The following CDH4 variants were observed in gnomAD, a reference collection of about 807,000 sequenced individuals.
CDH4 encodes cadherin 4, also known as cadherin-4.
In CDH4, 33 loss-of-function variants were observed where a neutral mutation model predicts 86.0. The ratio of observed to expected loss-of-function variants is 0.38; its 90% CI spans 0.29 to 0.51. The LOEUF (loss-of-function observed/expected upper bound fraction) is 0.51. Among genes scored for constraint, CDH4 ranks in the 20% least tolerant of loss-of-function variants. The pLI is 0.86. For missense variants in CDH4, 1,114 were observed against 1,307.4 expected, an observed-to-expected ratio of 0.85 and a Z score of 2.28; for synonymous variants, 555 against 549.4, an observed-to-expected ratio of 1.01 and a Z score of -0.14.
chr20:61,282,086 T>C (rs73915255), intron 2 of CDH4, among the ~76,000 whole-genome samples: 3,210 of 152,286 alleles, frequency 0.021, 112 homozygotes, highest in African/African-American at 0.072. Flanking sequence ...CGGCTGGGCA[T>C]GGTGGCTCAC....
chr20:61,784,139 C>T (rs72658794), intron 4 of CDH4, among the ~76,000 whole-genome samples: 1 of 8,872 alleles, frequency 1.1e-4, no homozygotes, highest in Non-Finnish European at 2.3e-4. Context: ...AATGTAATCC[C>T]AGTTCCTTGG....
At chr20:61,468,030 AG>A (rs1399291314) in intron 2 of CDH4, among the ~76,000 whole-genome samples, 1 of 152,240 alleles carries the variant, frequency 6.6e-6, no homozygotes, top group African/African-American at 2.4e-5. Flanking sequence ...TTATTCTCCC[AG>A]CACAGGGTGT....
intron 4 of CDH4, among the ~76,000 whole-genome samples, chr20:61,833,732 G>A (rs1260490490): frequency 2.0e-5 from 3 of 152,196 alleles, no homozygotes; most frequent in Non-Finnish European, 4.4e-5. Context: ...CATGGTGACT[G>A]AGCACAGCAC....
At chr20:61,302,430 C>T (rs534424614) in intron 2 of CDH4, among the ~76,000 whole-genome samples, 3 of 152,148 alleles carry the variant, frequency 2.0e-5, no homozygotes, top group Admixed American at 6.5e-5. Context: ...TTCAGATGAA[C>T]GGTGAAAAGC....
At chr20:61,786,759 T>G (rs1472910718) in intron 4 of CDH4, among the ~76,000 whole-genome samples, 1 of 152,164 alleles carries the variant, frequency 6.6e-6, no homozygotes, top group African/African-American at 2.4e-5. Flanking sequence ...TGAACAGGTG[T>G]TTAGGATGAG....
chr20:61,297,350 T>C (rs2084361212), intron 2 of CDH4, among the ~76,000 whole-genome samples: 1 of 152,110 alleles, frequency 6.6e-6, no homozygotes, highest in Admixed American at 6.5e-5. Flanking sequence ...GATCGCGCCA[T>C]TGTACTCCAG....
intron 7 of CDH4, among the ~76,000 whole-genome samples, chr20:61,892,814 ATC>A (rs1399909024): frequency 3.3e-5 from 5 of 152,114 alleles, no homozygotes; most frequent in Non-Finnish European, 7.3e-5. Context: ...TCATTCATCC[ATC>A]TCTCATCAGC....
At chr20:61,712,660 G>A (rs2087905996) in intron 2 of CDH4, among the ~76,000 whole-genome samples, 1 of 152,282 alleles carries the variant, frequency 6.6e-6, no homozygotes, top group South Asian at 2.1e-4. Flanking sequence ...CCCTATAGGG[G>A]CACCCACTCC....
chr20:61,606,087 C>T (rs974348789), intron 2 of CDH4, among the ~76,000 whole-genome samples: 26 of 152,068 alleles, frequency 1.7e-4, no homozygotes, highest in African/African-American at 5.6e-4. Context: ...CAGGGCTGCC[C>T]GTGCAGGTGA....
At chr20:61,678,505 A>C (rs1279477895) in intron 2 of CDH4, among the ~76,000 whole-genome samples, 1 of 152,210 alleles carries the variant, frequency 6.6e-6, no homozygotes, top group Non-Finnish European at 1.5e-5. Context: ...GCGCAATGAC[A>C]CCAGGTAGCC....
intron 2 of CDH4, among the ~76,000 whole-genome samples, chr20:61,489,455 C>G (rs1368751485): frequency 1.3e-5 from 2 of 152,212 alleles, no homozygotes; most frequent in Admixed American, 1.3e-4. Context: ...AGAGAATGTT[C>G]AAACCTGCTT....
chr20:61,412,826 A>C (rs2085126303), intron 2 of CDH4, among the ~76,000 whole-genome samples: 1 of 152,116 alleles, frequency 6.6e-6, no homozygotes, highest in Non-Finnish European at 1.5e-5. Context: ...CCTGGCTCAT[A>C]TGATCGCCCT....
Position 61,905,412 on chromosome 20 carries a change from G to T in CDH4, c.1189-5010G>T, listed in dbSNP as rs146524616. ...CAGAAGGACGGGAGTGAGTGGAGAA[G>T]CGTCAGACAGGCCCTCGCTAAAACA... On this transcript the variant is annotated intron_variant, in intron 8 of 15. Coordinates refer to ENST00000614565, the MANE Select transcript of CDH4 (RefSeq NM_001794.5). Among the ~76,000 whole-genome samples the T allele has an allele frequency of 9.7e-4, 148 of 152,358 alleles. 3 individuals are homozygous for T. The Middle Eastern group carries it at 0.034, about 35-fold the overall frequency.
intron 2 of CDH4, among the ~76,000 whole-genome samples, chr20:61,707,180 GC>G (rs1308808760): frequency 2.6e-5 from 4 of 152,262 alleles, no homozygotes; most frequent in Non-Finnish European, 5.9e-5. Context: ...CAGCCCTGCT[GC>G]TGAGCCAGTG....
At position 61,612,844 on chromosome 20, in the gene CDH4, G is replaced by A. The variant is rs2086695466; in HGVS notation, c.170-130719G>A. ...TGGCATTTGGTGTGAGGTAGGGATT[G>A]CACACCTCTGCATTCTCCTCATTGG... On this transcript the variant is annotated intron_variant, in intron 2 of 15. Transcript: ENST00000614565. Among the ~76,000 whole-genome samples, 4 of 152,108 alleles carry A rather than the reference G, an allele frequency of 2.6e-5. No individual in the cohort carries two copies. The South Asian group carries it at 8.3e-4, about 32-fold the overall frequency.
chr20:61,877,031 G>A (rs930896311), intron 7 of CDH4, among the ~76,000 whole-genome samples: 13 of 152,280 alleles, frequency 8.5e-5, no homozygotes, highest in African/African-American at 1.7e-4. Flanking sequence ...CGGAGCCCAC[G>A]ACCCCCTGGG....
intron 4 of CDH4, among the ~76,000 whole-genome samples, chr20:61,779,054 T>G (rs1568810830): frequency 6.6e-6 from 1 of 152,236 alleles, no homozygotes; most frequent in Non-Finnish European, 1.5e-5. Context: ...GGCACATTCT[T>G]AAAGGGTTTT....
intron 2 of CDH4, among the ~76,000 whole-genome samples, chr20:61,620,315 G>A (rs1478816072): frequency 9.3e-5 from 14 of 151,172 alleles, no homozygotes; most frequent in Admixed American, 2.0e-4. Flanking sequence ...TAGATAGGTA[G>A]GTAGATGGAT....
At chr20:61,294,498 C>T (rs893990501) in intron 2 of CDH4, among the ~76,000 whole-genome samples, 1 of 152,246 alleles carries the variant, frequency 6.6e-6, no homozygotes, top group Admixed American at 6.5e-5. Context: ...ACCCTCCACC[C>T]TATGCCCCTT....
Sources: gnomAD v4.1 joint callset for allele counts (sites outside exome capture counted in the v4.1 genomes callset) on GRCh38, gnomAD v4.1.1 for gene constraint, MANE v1.5 for transcripts, NCBI Gene and HGNC (gene_info 2026-07-23, HGNC 2026-07-21) for gene names.